The following CACNA2D4 variants were observed in gnomAD, a reference collection of about 807,000 sequenced individuals.
CACNA2D4 encodes voltage-dependent calcium channel subunit alpha-2/delta-4.
Under a neutral mutation model 163.8 loss-of-function variants are expected in CACNA2D4, and 157 were observed. The observed-to-expected ratio is 0.96, with a 90% confidence interval of 0.84 to 1.09. CACNA2D4 has a LOEUF of 1.09. Ranked by LOEUF, CACNA2D4 falls within the 50% of genes least tolerant of loss-of-function variation. The pLI, the probability that CACNA2D4 is intolerant of heterozygous loss-of-function variation, is 0.00. For missense variants in CACNA2D4, 1,410 were observed against 1,479.9 expected (o/e 0.95, Z 0.78); for synonymous variants, 598 against 586.9 (o/e 1.02, Z -0.27).
chr12:1,876,718 G>A (rs1265360641), intron 16 of CACNA2D4, among the ~76,000 whole-genome samples: 1 of 152,116 alleles, frequency 6.6e-6, no homozygotes, highest in Non-Finnish European at 1.5e-5. Context: ...CCTGGATCAT[G>A]CTTCTTGGTC....
Position 1,907,676 on chromosome 12 carries a change from TAA to T in CACNA2D4, c.650-107_650-106del. 8.2e-6 allele frequency: 10 copies of T among 1,220,394 alleles called. No homozygotes were observed. The South Asian group carries it at 1.4e-4, about 17-fold the overall frequency. 75.6% of individuals were successfully genotyped at this position (1,220,394 alleles called of 1,614,324 possible). On this transcript the variant is annotated intron_variant, in intron 5 of 37. Coordinates refer to ENST00000382722, the MANE Select transcript of CACNA2D4 (RefSeq NM_172364.5). ...GGGCGTGTCTGGTGGGCGTGTCTGG[TAA>T]GCGTGCCTGGTGGGTGTGCCTGGTG...
At chr12:1,832,758 T>C (rs1864688508) in intron 26 of CACNA2D4, among the ~76,000 whole-genome samples, 1 of 152,258 alleles carries the variant, frequency 6.6e-6, no homozygotes, top group Non-Finnish European at 1.5e-5. Context: ...TGTCTTTTCA[T>C]GTACATGATT....
At chr12:1,896,601 TAATA>T (rs1292441620) in intron 6 of CACNA2D4, among the ~76,000 whole-genome samples, 4 of 114,744 alleles carry the variant, frequency 3.5e-5, no homozygotes, top group Non-Finnish European at 7.0e-5. Flanking sequence ...GAATAGCTAT[TAATA>T]AACACACACA....
At chr12:1,885,921 C>T (rs372220212) in intron 9 of CACNA2D4, 44 bp downstream of exon 9, 3 of 1,427,706 alleles carry the variant, frequency 2.1e-6, no homozygotes, top group African/African-American at 2.8e-5. Context: ...ACCATCCAGA[C>T]AAGAGCAGGG....
intron 26 of CACNA2D4, chr12:1,831,472 G>GT: frequency 1.9e-6 from 3 of 1,614,032 alleles, no homozygotes; most frequent in Non-Finnish European, 2.5e-6. Context: ...CCCTGGGAGT[G>GT]TGACTGTAAC....
At chr12:1,822,002 G>C (rs1864124090) in intron 26 of CACNA2D4, 1 of 152,288 alleles carries the variant, frequency 6.6e-6, no homozygotes, top group South Asian at 2.1e-4. Context: ...GGGAAGTCCA[G>C]CTGGTAGGGA....
intron 32 of CACNA2D4, 165 bp downstream of exon 32, chr12:1,800,221 T>G: frequency 2.1e-6 from 2 of 936,656 alleles, no homozygotes; most frequent in South Asian, 1.5e-5. Context: ...AGGGGCAGCA[T>G]GCAGGGAAGA....
chr12:1,908,809 T>C (rs75924382), intron 4 of CACNA2D4, among the ~76,000 whole-genome samples: 329 of 9,618 alleles, frequency 0.034, 2 homozygotes, highest in African/African-American at 0.085. Context: ...CGGACAGCGT[T>C]ATGGACATCC....
intron 26 of CACNA2D4, among the ~76,000 whole-genome samples, chr12:1,837,798 C>T (rs1864916286): frequency 6.6e-6 from 1 of 152,210 alleles, no homozygotes; most frequent in African/African-American, 2.4e-5. Context: ...TCCCGAGCCC[C>T]ACTGCAGAAG....
chr12:1,865,018 G>A (rs1393191423), intron 18 of CACNA2D4, among the ~76,000 whole-genome samples: 1 of 152,184 alleles, frequency 6.6e-6, no homozygotes, highest in Non-Finnish European at 1.5e-5. Context: ...CGCTGGCTGA[G>A]GTCATGCCCA....
Position 1,828,018 on chromosome 12 carries a change from C to A in CACNA2D4, c.2551+12721G>T. The A allele has an allele frequency of 1.4e-6, 1 of 733,776 alleles. No homozygotes were observed. Among genetic ancestry groups the A allele is most frequent in the Non-Finnish European group, 2.1e-6 (1 of 484,012 alleles). The allele number at this position is 733,776 out of a possible 1,614,324, so 45.5% of individuals were successfully genotyped here. ...AGACACCCGGGCCCTCTCCCTAACC[C>A]CTGGGCTGGAACGGGGCTCCCGCGC... On this transcript the variant is annotated intron_variant, in intron 26 of 37. Transcript: ENST00000382722. The surrounding 1 kb of genome is among the most constrained non-coding windows in gnomAD (Gnocchi z 4.2).
rs1225498959 is a variant in CACNA2D4, at chr12:1,878,789, G to T, written c.1644+167C>A. Among the ~76,000 whole-genome samples, 2 of 152,172 alleles carry T rather than the reference G, an allele frequency of 1.3e-5. No homozygotes were observed. Among genetic ancestry groups the T allele is most frequent in the African/African-American group, 4.8e-5 (2 of 41,442 alleles). On this transcript the variant is annotated intron_variant, in intron 15 of 37. Coordinates refer to ENST00000382722, the MANE Select transcript of CACNA2D4 (RefSeq NM_172364.5). This position sits in a 1 kb window ranked among gnomAD's most constrained non-coding sequence, Gnocchi z 4.6. The stretch of plus-strand genomic sequence containing the variant: ...TTCGTGGTGGGAAAGGGACCCAGGG[G>T]CACCAGTTGCTGCTCCCCTGCTCAG...
rs1268369421 is a variant in CACNA2D4, at chr12:1,844,169, A to T, written c.2470+233T>A. 6.6e-6 allele frequency among the ~76,000 whole-genome samples: 1 copy of T among 152,174 alleles called. No homozygotes were observed. Among genetic ancestry groups the T allele is most frequent in the Non-Finnish European group, 1.5e-5 (1 of 68,030 alleles). On this transcript the variant is annotated intron_variant, in intron 25 of 37. Transcript: ENST00000382722. This position sits in a 1 kb window ranked among gnomAD's most constrained non-coding sequence, Gnocchi z 4.2. ...TAAACTCCAACTTTGATGGCTGGCT[A>T]GGGAATCAAATGATCAGGCTCACCT...
At chr12:1,818,082 G>A (rs1351298093) in intron 26 of CACNA2D4, among the ~76,000 whole-genome samples, 2 of 146,760 alleles carry the variant, frequency 1.4e-5, no homozygotes, top group African/African-American at 5.2e-5. Flanking sequence ...TGTGGGGAGC[G>A]CCTCTGCCCC....
At chr12:1,819,532 G>A (rs942049046) in intron 26 of CACNA2D4, among the ~76,000 whole-genome samples, 4 of 152,212 alleles carry the variant, frequency 2.6e-5, no homozygotes, top group South Asian at 4.2e-4. Flanking sequence ...TCGCTAGCAC[G>A]GTGCTTCATC....
intron 26 of CACNA2D4, 115 bp downstream of exon 26, chr12:1,840,624 C>T: frequency 1.3e-6 from 1 of 776,480 alleles, no homozygotes. Context: ...TCCCACATTC[C>T]ACCGGCAGGA....
chr12:1,821,577 A>G (rs1864103333), intron 26 of CACNA2D4, among the ~76,000 whole-genome samples: 1 of 152,184 alleles, frequency 6.6e-6, no homozygotes, highest in Admixed American at 6.5e-5. Flanking sequence ...CCATCTGCAA[A>G]TGGGTCAGGG....
At chr12:1,822,758 G>A (rs1864157606) in intron 26 of CACNA2D4, among the ~76,000 whole-genome samples, 1 of 152,202 alleles carries the variant, frequency 6.6e-6, no homozygotes, top group Non-Finnish European at 1.5e-5. Context: ...TGTGTGATGG[G>A]GGTGATGGGC....
chr12:1,830,880 G>A, intron 26 of CACNA2D4: 1 of 1,406,800 alleles, frequency 7.1e-7, no homozygotes, highest in Non-Finnish European at 9.6e-7. Context: ...AAGAGAAGCA[G>A]GAGGTGGTGA....
Sources: allele counts gnomAD v4.1 joint callset (sites outside exome capture counted in the v4.1 genomes callset), GRCh38; gene constraint gnomAD v4.1.1; non-coding constraint Gnocchi (gnomAD v3.1); transcripts MANE v1.5; gene names NCBI Gene and HGNC (gene_info 2026-07-23, HGNC 2026-07-21).